DNM3: variants seen among roughly 807,000 people sequenced by gnomAD.
DNM3 encodes dynamin-3.
Under a neutral mutation model 101.6 loss-of-function variants are expected in DNM3, and 47 were observed. The observed-to-expected ratio is 0.46, with a 90% CI of 0.37 to 0.59. The LOEUF (loss-of-function observed/expected upper bound fraction) is 0.59, where lower values mean the gene tolerates loss of function less well. Ranked by LOEUF, DNM3 falls within the 20% of genes least tolerant of loss-of-function variation. The pLI, the probability that DNM3 is intolerant of heterozygous loss-of-function variation, is 0.00. For missense variants in DNM3, 849 were observed against 1,085.7 expected, an observed-to-expected ratio of 0.78 and a Z score of 3.06; for synonymous variants, 385 against 387.9, an observed-to-expected ratio of 0.99 and a Z score of 0.09.
chr1:172,191,030 A>G (rs537239643), intron 14 of DNM3, among the ~76,000 whole-genome samples: 17 of 152,064 alleles, frequency 1.1e-4, no homozygotes, highest in Middle Eastern at 3.4e-3. Flanking sequence ...ATTAGATCCC[A>G]TTTGTCAATT....
At chr1:171,985,883 C>T (rs2045217053) in intron 2 of DNM3, among the ~76,000 whole-genome samples, 1 of 152,128 alleles carries the variant, frequency 6.6e-6, no homozygotes, top group African/African-American at 2.4e-5. Context: ...GTGTGAGGCC[C>T]AGGAAGGAGA....
At chr1:172,222,841 C>T (rs534210677) in intron 14 of DNM3, among the ~76,000 whole-genome samples, 1 of 152,198 alleles carries the variant, frequency 6.6e-6, no homozygotes, top group African/African-American at 2.4e-5. Context: ...ATAACTTGCT[C>T]ATTCACCGAA....
chr1:172,324,096 A>C (rs2065843085), intron 17 of DNM3, among the ~76,000 whole-genome samples: 1 of 152,200 alleles, frequency 6.6e-6, no homozygotes, highest in African/African-American at 2.4e-5. Context: ...GATTAGAACT[A>C]TTTCTCACTT....
At chr1:172,024,026 A>G (rs557494645) in intron 4 of DNM3, among the ~76,000 whole-genome samples, 3 of 152,100 alleles carry the variant, frequency 2.0e-5, no homozygotes, top group East Asian at 1.9e-4. Context: ...CATGAATGCA[A>G]TAAGTTCTCC....
chr1:172,227,044 C>T (rs2061150525), intron 14 of DNM3, among the ~76,000 whole-genome samples: 1 of 151,362 alleles, frequency 6.6e-6, no homozygotes, highest in African/African-American at 2.4e-5. Context: ...GTTTTTCATT[C>T]CTCACTCCCC....
chr1:172,204,582 A>C (rs772955997), intron 14 of DNM3, among the ~76,000 whole-genome samples: 7 of 152,168 alleles, frequency 4.6e-5, no homozygotes, highest in African/African-American at 1.7e-4. Flanking sequence ...GCTCTTCTGC[A>C]TGTTCTATCT....
chr1:172,266,614 G>C (rs2062868700), intron 15 of DNM3, among the ~76,000 whole-genome samples: 1 of 152,182 alleles, frequency 6.6e-6, no homozygotes, highest in African/African-American at 2.4e-5. Context: ...AGAATTGCTT[G>C]TCTTCTAAAT....
At chr1:171,987,833 C>T in intron 3 of DNM3, 28 bp downstream of exon 3, 1 of 1,521,700 alleles carries the variant, frequency 6.6e-7, no homozygotes, top group Non-Finnish European at 8.8e-7. Context: ...ATTCCAAATT[C>T]TTCTCCTCAA....
chr1:172,390,356 C>G (rs983190568), intron 20 of DNM3, among the ~76,000 whole-genome samples: 1 of 152,244 alleles, frequency 6.6e-6, no homozygotes, highest in African/African-American at 2.4e-5. Context: ...CAAGGCTGCT[C>G]AGCCAGTCCC....
intron 14 of DNM3, among the ~76,000 whole-genome samples, chr1:172,175,267 A>G (rs1320269984): frequency 6.6e-6 from 1 of 151,790 alleles, no homozygotes; most frequent in Non-Finnish European, 1.5e-5. Context: ...TTATTTGCAA[A>G]CAATAATCTT....
At chr1:172,100,197 T>C (rs1222742364) in intron 13 of DNM3, among the ~76,000 whole-genome samples, 1 of 152,242 alleles carries the variant, frequency 6.6e-6, no homozygotes, top group East Asian at 1.9e-4. Flanking sequence ...GAAATTTGGC[T>C]TCTCAAACCT....
chr1:172,044,663 C>A (rs57192692), intron 9 of DNM3, among the ~76,000 whole-genome samples: 2 of 152,130 alleles, frequency 1.3e-5, no homozygotes, highest in Non-Finnish European at 2.9e-5. Flanking sequence ...AAAACATTTT[C>A]TGCATTTCCA....
At chr1:172,059,852 T>G (rs1231542951) in intron 10 of DNM3, among the ~76,000 whole-genome samples, 8 of 121,264 alleles carry the variant, frequency 6.6e-5, no homozygotes, top group African/African-American at 2.0e-4. Flanking sequence ...CCAGGGCAAT[T>G]AGGCAGGAGA....
At chr1:172,302,378 T>C (rs938585048) in intron 15 of DNM3, among the ~76,000 whole-genome samples, 2 of 152,184 alleles carry the variant, frequency 1.3e-5, no homozygotes, top group South Asian at 2.1e-4. Context: ...AAGCTTGAAG[T>C]GGGCGCAGCC....
chr1:172,401,532 C>T (rs1157495176), intron 20 of DNM3, among the ~76,000 whole-genome samples: 2 of 152,266 alleles, frequency 1.3e-5, no homozygotes, highest in African/African-American at 4.8e-5. Flanking sequence ...TTTCAAATTC[C>T]ATGAATTGAT....
At chr1:171,909,887 G>C (rs183426032) in intron 1 of DNM3, among the ~76,000 whole-genome samples, 1 of 152,284 alleles carries the variant, frequency 6.6e-6, no homozygotes, top group East Asian at 1.9e-4. Context: ...ATGTATTTGA[G>C]CTCTTTTCAC....
intron 15 of DNM3, among the ~76,000 whole-genome samples, chr1:172,305,234 A>G (rs936064257): frequency 1.3e-5 from 2 of 152,238 alleles, no homozygotes; most frequent in South Asian, 4.1e-4. Context: ...ACAAACTACC[A>G]CCAGAGAATA....
intron 14 of DNM3, among the ~76,000 whole-genome samples, chr1:172,182,190 T>G (rs1306494569): frequency 3.3e-5 from 5 of 151,958 alleles, no homozygotes; most frequent in Non-Finnish European, 7.4e-5. Flanking sequence ...TAGTTTTTTT[T>G]TTTTTAACAG....
chr1:172,320,414 A>G (rs1175822223), intron 16 of DNM3, among the ~76,000 whole-genome samples: 1 of 151,174 alleles, frequency 6.6e-6, no homozygotes, highest in Non-Finnish European at 1.5e-5. Context: ...AAAAAAGAAA[A>G]TGTGGCACAT....
Sources: allele counts gnomAD v4.1 joint callset (sites outside exome capture counted in the v4.1 genomes callset), GRCh38; gene constraint gnomAD v4.1.1; transcripts MANE v1.5; gene names NCBI Gene and HGNC (gene_info 2026-07-23, HGNC 2026-07-21).